The following TOM1L2 variants were observed in gnomAD, a reference collection of about 807,000 sequenced individuals.
The protein encoded by TOM1L2 is TOM1-like protein 2.
Under a neutral mutation model 67.9 loss-of-function variants are expected in TOM1L2, and 31 were observed. That is an observed-to-expected ratio of 0.46 (90% CI 0.34 to 0.62). The LOEUF is 0.62. TOM1L2 is among the 20% of genes least tolerant of loss of function. The probability of loss-of-function intolerance (pLI) is 0.01; values close to 1 mark genes in which losing one functional copy is unlikely to be tolerated. For synonymous variants in TOM1L2, 256 were observed against 254.0 expected, an observed-to-expected ratio of 1.01 and a Z score of -0.07; for missense variants, 606 against 663.5, an observed-to-expected ratio of 0.91 and a Z score of 0.95.
intron 5 of TOM1L2, among the ~76,000 whole-genome samples, chr17:17,883,596 T>C (rs1052866975): frequency 4.6e-5 from 7 of 152,128 alleles, no homozygotes; most frequent in Admixed American, 4.6e-4. Context: ...TAGCCAGGCA[T>C]GGTGGCGGTC....
At chr17:17,877,958 G>A (rs761344002) in intron 7 of TOM1L2, among the ~76,000 whole-genome samples, 9 of 151,896 alleles carry the variant, frequency 5.9e-5, no homozygotes, top group Non-Finnish European at 1.0e-4. Context: ...CTGGCTGTCT[G>A]GAAGCATCTT....
intron 1 of TOM1L2, among the ~76,000 whole-genome samples, chr17:17,929,171 G>A (rs2144683104): frequency 6.6e-6 from 1 of 152,304 alleles, no homozygotes; most frequent in Middle Eastern, 3.4e-3. Context: ...CGGGACTGTG[G>A]CTGCTCAGCA....
intron 1 of TOM1L2, among the ~76,000 whole-genome samples, chr17:17,970,987 T>G (rs746657546): frequency 2.0e-5 from 3 of 152,170 alleles, no homozygotes; most frequent in Non-Finnish European, 4.4e-5. Context: ...AGTTGCTTTC[T>G]TAGTAAGGAA....
At chr17:17,956,701 G>GGAAT (rs1459803347) in intron 1 of TOM1L2, among the ~76,000 whole-genome samples, 1 of 152,224 alleles carries the variant, frequency 6.6e-6, no homozygotes, top group East Asian at 1.9e-4. Flanking sequence ...CACTGCTGGG[G>GGAAT]GAATGGCACA....
chr17:17,850,915 T>A lies in TOM1L2; in HGVS notation c.1316A>T (p.Glu439Val). ...VAQPSVMDDIEVWLRTDLKGD... is the reference protein window; with the variant it reads ...VAQPSVMDDIVVWLRTDLKGD... ...CACCAGGTCGGTCCTGAGCCACACC[T>A]CAATGTCGTCCATGACAGATGGCTG... The change falls in exon 13 of 15, where the codon GAG (glutamate) becomes GTG (valine). Residue 439 changes from glutamate to valine, a missense_variant. By Grantham distance (121) the Glu-to-Val change is moderately radical. Transcript: ENST00000379504. The A allele has an allele frequency of 6.2e-7, 1 of 1,613,966 alleles. No individual in the cohort carries two copies. Among genetic ancestry groups the A allele is most frequent in the Non-Finnish European group, 8.5e-7 (1 of 1,180,000 alleles).
chr17:17,923,903 C>T (rs777360187), intron 1 of TOM1L2, among the ~76,000 whole-genome samples: 2 of 151,642 alleles, frequency 1.3e-5, no homozygotes, highest in African/African-American at 4.8e-5. Flanking sequence ...TTTGGGAGGT[C>T]GAGGTGGGCA....
chr17:17,867,380 C>T (rs2036911797), intron 8 of TOM1L2, among the ~76,000 whole-genome samples: 1 of 152,074 alleles, frequency 6.6e-6, no homozygotes, highest in East Asian at 1.9e-4. Context: ...AGGAGGAAGG[C>T]GGACGCATGG....
rs1230358121 is a variant in TOM1L2 at position 17,847,727 on chromosome 17, G to A, written c.1432C>T (p.Pro478Ser). Residue 478 changes from proline to serine, a missense_variant, in exon 15 of 15, where the codon CCC (proline) becomes TCC (serine). Physicochemically the swap from Pro to Ser is moderately conservative, Grantham distance 74. This residue lies in a region of TOM1L2 where 543 missense variants were observed against 554.0 expected (regional missense o/e 0.98). Coordinates refer to ENST00000379504, the MANE Select transcript of TOM1L2 (RefSeq NM_001082968.2). ...GCAGGAGCCTCCATGGGGGGCGAGG[G>A]GAGGTCGGGAACCATTTCAGCAGCT... ...AKAAEMVPDL[P>S]SPPMEAPAPA... 6.2e-7 allele frequency: 1 copy of A among 1,614,086 alleles called. No homozygotes were observed. The highest frequency in any genetic ancestry group is 1.7e-5 in the Admixed American group (1 of 60,012).
At chr17:17,933,701 A>G (rs955283350) in intron 1 of TOM1L2, among the ~76,000 whole-genome samples, 1 of 152,162 alleles carries the variant, frequency 6.6e-6, no homozygotes, top group East Asian at 1.9e-4. Context: ...TGTCTGATGG[A>G]TATTTACTCT....
intron 7 of TOM1L2, among the ~76,000 whole-genome samples, chr17:17,876,237 G>A (rs565002938): frequency 2.6e-4 from 39 of 152,222 alleles, no homozygotes; most frequent in African/African-American, 8.4e-4. Flanking sequence ...CTTGAATTTC[G>A]GGCCCAGACC....
rs927414815 is a variant in TOM1L2, at chr17:17,932,702, T to A, written c.53-25171A>T. Among the ~76,000 whole-genome samples, 4 of 152,170 alleles carry A rather than the reference T, an allele frequency of 2.6e-5. No individual in the cohort carries two copies. The South Asian group carries it at 8.3e-4, about 32-fold the overall frequency. On this transcript the variant is annotated intron_variant, in intron 1 of 14. Transcript: ENST00000379504. The stretch of plus-strand genomic sequence containing the variant: ...ACTTTAAAATATTGGGGTAAGGTGT[T>A]TCAACTCCTTGGGCCTCAATGTTCT...
In TOM1L2 at chr17:17,845,212, G is replaced by A. The variant is rs1445763703; in HGVS notation, c.*2423C>T. 2.6e-5 allele frequency: 4 copies of A among 152,384 alleles called. No individual in the cohort carries two copies. The highest frequency in any genetic ancestry group is 6.8e-3 in the Middle Eastern group (2 of 294). 9.4% of individuals were successfully genotyped at this position (152,384 alleles called of 1,614,324 possible). A position where few individuals can be genotyped will look rare whatever the true frequency, so the allele number is the denominator to read the frequency against. ...TAGGAGGTGCAAGCAGGCCACCTGA[G>A]GGGTGGCTCCAGGCTAGGAAGGCAG... On this transcript the variant is annotated 3_prime_UTR_variant, in exon 15 of 15. Transcript: ENST00000379504.
At chr17:17,969,712 A>G (rs1343280983) in intron 1 of TOM1L2, among the ~76,000 whole-genome samples, 1 of 152,208 alleles carries the variant, frequency 6.6e-6, no homozygotes, top group Non-Finnish European at 1.5e-5. Flanking sequence ...TATCCTCTCC[A>G]GATAGAAAAT....
At chr17:17,913,248 C>G (rs937095125) in intron 1 of TOM1L2, among the ~76,000 whole-genome samples, 2 of 120,322 alleles carry the variant, frequency 1.7e-5, no homozygotes, top group Admixed American at 1.7e-4. Flanking sequence ...CGGGGGAGAC[C>G]GTGGGGAGAC....
In TOM1L2 at chr17:17,866,920, C is replaced by T. The variant is rs759206629; in HGVS notation, c.916G>A (p.Glu306Lys). 1.5e-5 allele frequency: 24 copies of T among 1,613,978 alleles called. No homozygotes were observed. The highest frequency in any genetic ancestry group is 3.3e-5 in the Admixed American group (2 of 60,014). ...NNVFLRYERF[E>K]RYRSGRSVQN... ...ACGGATCGGCCAGACCTGTATCGTT[C>T]GAACCTAACAGGGGAAGGGAAAGCA... The change falls in exon 9 of 15, where the codon GAA (glutamate) becomes AAA (lysine). Residue 306 changes from glutamate (E) to lysine (K), a missense_variant. Transcript: ENST00000379504.
intron 12 of TOM1L2, among the ~76,000 whole-genome samples, chr17:17,857,060 T>C (rs2036288016): frequency 6.6e-6 from 1 of 152,230 alleles, no homozygotes; most frequent in South Asian, 2.1e-4. Context: ...GTTCAAGCGA[T>C]TCTCCTGCTT....
intron 12 of TOM1L2, chr17:17,857,847 CA>C: frequency 6.5e-7 from 1 of 1,535,594 alleles, no homozygotes; most frequent in Non-Finnish European, 8.7e-7. Context: ...GGGCCGAGGA[CA>C]GAAAAGTCTC....
At chr17:17,880,774 G>A (rs1479704697) in intron 6 of TOM1L2, among the ~76,000 whole-genome samples, 7 of 152,244 alleles carry the variant, frequency 4.6e-5, no homozygotes, top group Non-Finnish European at 8.8e-5. Context: ...TTTCCCATGC[G>A]GCGCCTGGCA....
chr17:17,945,589 T>C (rs1385512031), intron 1 of TOM1L2, among the ~76,000 whole-genome samples: 1 of 152,192 alleles, frequency 6.6e-6, no homozygotes, highest in Non-Finnish European at 1.5e-5. Flanking sequence ...CCTTATCACA[T>C]ACATACCCAT....
Sources: gnomAD v4.1 joint callset for allele counts (sites outside exome capture counted in the v4.1 genomes callset) on GRCh38, gnomAD v4.1.1 for gene constraint, gnomAD v4.1.1 regional missense constraint, MANE v1.5 for transcripts, NCBI Gene and HGNC (gene_info 2026-07-23, HGNC 2026-07-21) for gene names.